RND1: variants seen among roughly 807,000 people sequenced by gnomAD.
RND1 encodes the protein Rho family GTPase 1.
Under a neutral mutation model 27.1 loss-of-function variants are expected in RND1, and 9 were observed. The observed-to-expected ratio is 0.33, with a 90% CI of 0.20 to 0.58. The LOEUF (loss-of-function observed/expected upper bound fraction) is 0.58, where lower values mean the gene tolerates loss of function less well. Among genes scored for constraint, RND1 ranks in the 20% least tolerant of loss-of-function variants. The pLI is 0.86. For synonymous variants in RND1, 108 were observed against 115.7 expected (o/e 0.93, Z 0.43); for missense variants, 253 against 292.2 (o/e 0.87, Z 0.98).
At chr12:48,858,407 T>G (rs1938872562) in intron 4 of RND1, 166 bp from the exon 5 acceptor site, 3 of 653,770 alleles carry the variant, frequency 4.6e-6, no homozygotes, top group African/African-American at 1.9e-5. Context: ...TTTTTTTTTT[T>G]GGCATACACC....
rs1227390306 is a variant in RND1 at position 48,857,826 on chromosome 12, T to C, written c.*170A>G. On this transcript the variant is annotated 3_prime_UTR_variant, in exon 5 of 5. Transcript: ENST00000309739. Reference sequence around the variant, plus strand: ...GTTCTCTCTCAGCGTCAGGTCCTCATGCCGGGCCTGGCTCCTTCCTCGCCC... The same window carrying C: ...GTTCTCTCTCAGCGTCAGGTCCTCACGCCGGGCCTGGCTCCTTCCTCGCCC... The C allele has an allele frequency of 1.8e-5, 13 of 707,206 alleles. No homozygotes were observed. The highest frequency in any genetic ancestry group is 2.6e-5 in the Non-Finnish European group (12 of 458,730). 43.8% of individuals were successfully genotyped at this position (707,206 alleles called of 1,614,324 possible).
Position 48,865,833 on chromosome 12 carries a change from C to G in RND1, c.-66G>C. On this transcript the variant is annotated 5_prime_UTR_variant, in exon 1 of 5. Coordinates refer to ENST00000309739, the MANE Select transcript of RND1 (RefSeq NM_014470.4). Reference sequence around the variant, plus strand: ...GAGGGTTGCGCCAGGTGCGTCTCAGCACGCCAATCAAGCCAGATTCCCTGC... The same window carrying G: ...GAGGGTTGCGCCAGGTGCGTCTCAGGACGCCAATCAAGCCAGATTCCCTGC... 1 of 1,527,000 alleles carries G rather than the reference C, an allele frequency of 6.5e-7. No homozygotes were observed. Among genetic ancestry groups the G allele is most frequent in the East Asian group, 2.3e-5 (1 of 43,132 alleles). 94.6% of individuals were successfully genotyped at this position (1,527,000 alleles called of 1,614,324 possible).
intron 1 of RND1, 36 bp from the exon 2 acceptor site, chr12:48,864,906 C>A (rs372990726): frequency 2.7e-6 from 4 of 1,484,040 alleles, no homozygotes; most frequent in African/African-American, 1.4e-5. Context: ...CCCATGCACC[C>A]CTACCCTCAG....
At chr12:48,864,416 T>TGTGTGTGTGCGC (rs141121524) in intron 2 of RND1, among the ~76,000 whole-genome samples, 215 of 135,554 alleles carry the variant, frequency 1.6e-3, no homozygotes, top group African/African-American at 4.9e-3. Flanking sequence ...TGTGTGTGTG[T>TGTGTGTGTGCGC]GCGCGCGCGC....
chr12:48,865,383 C>T (rs1565684244), intron 1 of RND1: 3 of 501,446 alleles, frequency 6.0e-6, no homozygotes, highest in Admixed American at 3.2e-5. Context: ...ACTCCAGGGA[C>T]GCAGGAAGGT....
intron 2 of RND1, 95 bp downstream of exon 2, chr12:48,864,688 T>C (rs1319392158): frequency 2.1e-6 from 2 of 950,026 alleles, no homozygotes; most frequent in Non-Finnish European, 3.4e-6. Flanking sequence ...TTTTTTCACT[T>C]CTCCCCACCA....
At chr12:48,862,821 A>G (rs1171094591) in intron 2 of RND1, among the ~76,000 whole-genome samples, 1 of 152,178 alleles carries the variant, frequency 6.6e-6, no homozygotes, top group Non-Finnish European at 1.5e-5. Flanking sequence ...GTGGTCCCAT[A>G]TGGGAGAATG....
intron 4 of RND1, among the ~76,000 whole-genome samples, chr12:48,860,039 A>G (rs1938899242): frequency 6.7e-6 from 1 of 149,814 alleles, no homozygotes; most frequent in Non-Finnish European, 1.5e-5. Context: ...CCGTCTCCCA[A>G]AGTGCTGGGA....
In RND1 at chr12:48,864,875, GAA is replaced by G. The variant is rs1206522345; in HGVS notation, c.121-7_121-6del. The stretch of plus-strand genomic sequence containing the variant: ...GAACACGGTGGGCACATAGGTCTGT[GAA>G]AAGAGAGGAAACATTCACCCCATGC... On this transcript the variant is annotated splice_region_variant and splice_polypyrimidine_tract_variant and intron_variant, in intron 1 of 4. Coordinates refer to ENST00000309739, the MANE Select transcript of RND1 (RefSeq NM_014470.4). 1.2e-6 allele frequency: 2 copies of G among 1,607,632 alleles called. No homozygotes were observed. The highest frequency in any genetic ancestry group is 4.5e-5 in the East Asian group (2 of 44,838).
intron 2 of RND1, among the ~76,000 whole-genome samples, chr12:48,862,437 C>G (rs1302621105): frequency 6.6e-6 from 1 of 152,098 alleles, no homozygotes; most frequent in Non-Finnish European, 1.5e-5. Flanking sequence ...TGCTTCCAGC[C>G]CTGCAGAGAG....
At chr12:48,865,230 C>T in intron 1 of RND1, 1 of 378,684 alleles carries the variant, frequency 2.6e-6, no homozygotes, top group Non-Finnish European at 5.0e-6. Context: ...CCCCTCCCGG[C>T]CAGGTGAACA....
chr12:48,864,414 T>TGCGGC (rs1296870474), intron 2 of RND1, among the ~76,000 whole-genome samples: 1 of 109,232 alleles, frequency 9.2e-6, no homozygotes, highest in Non-Finnish European at 2.0e-5. Context: ...TGTGTGTGTG[T>TGCGGC]GTGCGCGCGC....
Position 48,864,820 on chromosome 12 carries a change from C to A in RND1, c.171G>T (p.Glu57Asp). The A allele has an allele frequency of 6.2e-7, 1 of 1,614,126 alleles. No individual in the cohort carries two copies. The highest frequency in any genetic ancestry group is 8.5e-7 in the Non-Finnish European group (1 of 1,179,974). Residue 57 changes from glutamate to aspartate, a missense_variant, in exon 2 of 5, where the codon GAG becomes GAT. Physicochemically the swap from Glu to Asp is conservative, Grantham distance 45. Coordinates refer to ENST00000309739, the MANE Select transcript of RND1 (RefSeq NM_014470.4). Reference protein sequence around the residue: ...FENYTACLETEEQRVELSLWD... With the variant: ...FENYTACLETDEQRVELSLWD... The stretch of plus-strand genomic sequence containing the variant: ...AGAGACTAAGCTCCACCCTCTGTTC[C>A]TCTGTCTCCAAACAGGCTGTGTAAT...
Position 48,865,832 on chromosome 12 carries a change from G to A in RND1, c.-65C>T, listed in dbSNP as rs1938980885. Reference sequence around the variant, plus strand: ...GGAGGGTTGCGCCAGGTGCGTCTCAGCACGCCAATCAAGCCAGATTCCCTG... The same window carrying A: ...GGAGGGTTGCGCCAGGTGCGTCTCAACACGCCAATCAAGCCAGATTCCCTG... On this transcript the variant is annotated 5_prime_UTR_variant, in exon 1 of 5. Coordinates refer to ENST00000309739, the MANE Select transcript of RND1 (RefSeq NM_014470.4). 6.5e-7 allele frequency: 1 copy of A among 1,528,610 alleles called. No homozygotes were observed. 94.7% of individuals were successfully genotyped at this position (1,528,610 alleles called of 1,614,324 possible).
At chr12:48,859,077 G>T (rs1294140334) in intron 4 of RND1, 1 of 150,118 alleles carries the variant, frequency 6.7e-6, no homozygotes, top group African/African-American at 2.4e-5. Context: ...TCCTGCCTCA[G>T]CCTCCCGAGT....
chr12:48,863,168 G>A (rs963704686), intron 2 of RND1, among the ~76,000 whole-genome samples: 1 of 152,168 alleles, frequency 6.6e-6, no homozygotes, highest in African/African-American at 2.4e-5. Flanking sequence ...CCTCCCCTAA[G>A]ACTAGCAAGT....
At chr12:48,858,346 A>C in intron 4 of RND1, 105 bp from the exon 5 acceptor site, 1 of 1,309,844 alleles carries the variant, frequency 7.6e-7, no homozygotes, top group Non-Finnish European at 1.0e-6. Context: ...CCCAGCTGCC[A>C]GTCTCCAAAC....
At chr12:48,864,711 A>G (rs1170171611) in intron 2 of RND1, 72 bp downstream of exon 2, 1 of 1,168,370 alleles carries the variant, frequency 8.6e-7, no homozygotes, top group African/African-American at 1.5e-5. Context: ...GGGGAAAACA[A>G]TTTCTAAAAG....
chr12:48,861,972 T>C lies in RND1; in HGVS notation c.318+37A>G, dbSNP rs1386496955. 3 of 1,201,036 alleles carry C rather than the reference T, an allele frequency of 2.5e-6. No homozygotes were observed. The African/African-American group carries it at 4.5e-5, about 18-fold the overall frequency. 74.4% of individuals were successfully genotyped at this position (1,201,036 alleles called of 1,614,324 possible). The stretch of plus-strand genomic sequence containing the variant: ...GGTCCCGATTCCTTCTTGGTCCTCA[T>C]GCTGAGTTAGAGATTAGAGAGTTGA... On this transcript the variant is annotated intron_variant, in intron 3 of 4. Coordinates refer to ENST00000309739, the MANE Select transcript of RND1 (RefSeq NM_014470.4).
Sources: gnomAD v4.1 joint callset for allele counts (sites outside exome capture counted in the v4.1 genomes callset) on GRCh38, gnomAD v4.1.1 for gene constraint, MANE v1.5 for transcripts, NCBI Gene and HGNC (gene_info 2026-07-23, HGNC 2026-07-21) for gene names.